The following ING5 variants were observed in gnomAD, a reference collection of about 807,000 sequenced individuals.
ING5 encodes the protein inhibitor of growth family member 5.
A neutral mutation model predicts 37.4 loss-of-function variants in ING5; 17 were observed. The observed-to-expected ratio is 0.45, with a 90% CI of 0.31 to 0.68. The LOEUF (loss-of-function observed/expected upper bound fraction) is 0.68. Among genes scored for constraint, ING5 ranks in the 30% least tolerant of loss-of-function variants. ING5 has a pLI of 0.05. For synonymous variants in ING5, 123 were observed against 116.6 expected (o/e 1.06, Z -0.36); for missense variants, 233 against 311.9 (o/e 0.75, Z 1.91).
At chr2:241,709,168 A>G in intron 2 of ING5, 48 bp from the exon 3 acceptor site, 3 of 1,566,820 alleles carry the variant, frequency 1.9e-6, no homozygotes, top group Middle Eastern at 1.7e-4. Context: ...TGGTGAGCAC[A>G]TCATGGTGTC....
chr2:241,719,899 C>T (rs779151334), intron 5 of ING5: 46 of 1,318,790 alleles, frequency 3.5e-5, no homozygotes, highest in Non-Finnish European at 4.1e-5. Context: ...GGGTGATCAC[C>T]GATGGCGACA....
Position 241,706,125 on chromosome 2 carries a change from G to A in ING5, c.109+1401G>A, listed in dbSNP as rs892408012. Among the ~76,000 whole-genome samples the A allele has an allele frequency of 9.2e-5, 14 of 152,028 alleles. No individual in the cohort carries two copies. In the South Asian group the frequency reaches 1.2e-3, roughly 14 times the overall value. On this transcript the variant is annotated intron_variant, in intron 2 of 7. Coordinates refer to ENST00000313552, the MANE Select transcript of ING5 (RefSeq NM_032329.6). Reference sequence around the variant, plus strand: ...ACAGTTCTGTGTGTGCTTTCTTTCCGCAGAGCCCTCTGTCCTGGAGGCCAC... The same window carrying A: ...ACAGTTCTGTGTGTGCTTTCTTTCCACAGAGCCCTCTGTCCTGGAGGCCAC...
Position 241,718,323 on chromosome 2 carries a change from TCC to T in ING5, c.483-4615_483-4614del, listed in dbSNP as rs1559311023. Among the ~76,000 whole-genome samples, 22 of 128,860 alleles carry T rather than the reference TCC, an allele frequency of 1.7e-4. 1 individual carries two copies. The highest frequency in any genetic ancestry group is 6.1e-4 in the African/African-American group (20 of 32,674). 84.5% of individuals were successfully genotyped at this position (128,860 alleles called of 152,430 possible). The stretch of plus-strand genomic sequence containing the variant: ...TTCCTTCCTTTCTTCTTTCCTCCCT[TCC>T]TCCCTCCCTCCCTCACTTCCTTCCT... On this transcript the variant is annotated intron_variant, in intron 5 of 7. Coordinates refer to ENST00000313552, the MANE Select transcript of ING5 (RefSeq NM_032329.6).
At chr2:241,711,027 G>A (rs377131768) in intron 3 of ING5, among the ~76,000 whole-genome samples, 1 of 152,324 alleles carries the variant, frequency 6.6e-6, no homozygotes, top group African/African-American at 2.4e-5. Flanking sequence ...GGGATTACAG[G>A]TGTGAGCCGC....
chr2:241,716,486 G>T (rs2070273955), intron 5 of ING5, among the ~76,000 whole-genome samples: 2 of 151,634 alleles, frequency 1.3e-5, no homozygotes, highest in South Asian at 4.2e-4. Context: ...GTAGAGACAG[G>T]TTTTCACCAT....
At chr2:241,709,747 C>T (rs2070048744) in intron 3 of ING5, among the ~76,000 whole-genome samples, 1 of 151,840 alleles carries the variant, frequency 6.6e-6, no homozygotes, top group Admixed American at 6.6e-5. Flanking sequence ...GCTGTGATTA[C>T]AGGCATGCAG....
At chr2:241,719,331 C>G (rs1043509417) in intron 5 of ING5, among the ~76,000 whole-genome samples, 1 of 152,260 alleles carries the variant, frequency 6.6e-6, no homozygotes, top group Non-Finnish European at 1.5e-5. Flanking sequence ...CCAGCCCTCA[C>G]TCAGTGCATG....
chr2:241,692,774 C>G (rs1427412417), intron 2 of ING5, among the ~76,000 whole-genome samples: 4 of 152,084 alleles, frequency 2.6e-5, no homozygotes, highest in African/African-American at 9.7e-5. Context: ...TCCATGATCC[C>G]CTTAAAAACC....
At chr2:241,712,158 G>C in intron 5 of ING5, 87 bp downstream of exon 5, 1 of 1,065,370 alleles carries the variant, frequency 9.4e-7, no homozygotes. Context: ...AAGCTGACCC[G>C]AGTGAAGTGC....
At chr2:241,706,983 G>A (rs1226097278) in intron 2 of ING5, among the ~76,000 whole-genome samples, 3 of 141,394 alleles carry the variant, frequency 2.1e-5, no homozygotes, top group Non-Finnish European at 4.6e-5. Context: ...TTTTGAGATG[G>A]AGTTTCACTC....
At chr2:241,705,359 T>A (rs912176611) in intron 2 of ING5, among the ~76,000 whole-genome samples, 33 of 151,110 alleles carry the variant, frequency 2.2e-4, no homozygotes, top group Admixed American at 4.6e-4. Context: ...ATTACAAGCG[T>A]GAGCCACCTC....
chr2:241,719,836 C>T (rs1016513151), intron 5 of ING5: 1 of 1,402,288 alleles, frequency 7.1e-7, no homozygotes. Context: ...CAATGCGGAG[C>T]CTGGGAGCTC....
Position 241,706,683 on chromosome 2 carries a change from C to T in ING5, c.109+1959C>T, listed in dbSNP as rs533352211. 2.0e-5 allele frequency among the ~76,000 whole-genome samples: 3 copies of T among 150,558 alleles called. No individual in the cohort carries two copies. In the South Asian group the frequency reaches 6.3e-4, roughly 32 times the overall value. On this transcript the variant is annotated intron_variant, in intron 2 of 7. Transcript: ENST00000313552. ...TAGATTTTCTTGTAACATTGCATGT[C>T]TGAAAATGTGTTTGTTCTAGCCTCA...
At chr2:241,693,652 CTTTTTTTTTTT>C (rs1185556171) in intron 2 of ING5, among the ~76,000 whole-genome samples, 4 of 78,538 alleles carry the variant, frequency 5.1e-5, no homozygotes, top group Non-Finnish European at 9.2e-5. Flanking sequence ...AAATACAACT[CTTTTTTTTTTT>C]TTTTTTTTTT....
upstream of ING5, among the ~76,000 whole-genome samples, chr2:241,701,116 G>A (rs1335440942): frequency 7.0e-6 from 1 of 142,630 alleles, no homozygotes; most frequent in Non-Finnish European, 1.5e-5. Flanking sequence ...ACCACGCTTG[G>A]CTAATTTTTT....
Position 241,722,920 on chromosome 2 carries a change from T to C in ING5, c.483-19T>C. ...TCCCACCATGGCCTTCAGTGGTGCC[T>C]GTGCCCTGTCCCCTGCAGGTCTGAG... On this transcript the variant is annotated intron_variant, in intron 5 of 7. Coordinates refer to ENST00000313552, the MANE Select transcript of ING5 (RefSeq NM_032329.6). 6.2e-7 allele frequency: 1 copy of C among 1,613,268 alleles called. No homozygotes were observed. Among genetic ancestry groups the C allele is most frequent in the Non-Finnish European group, 8.5e-7 (1 of 1,179,978 alleles).
chr2:241,722,774 A>G (rs1261870267), intron 5 of ING5, 165 bp from the exon 6 acceptor site: 1 of 985,284 alleles, frequency 1.0e-6, no homozygotes, highest in African/African-American at 1.7e-5. Context: ...AAGCTTATTC[A>G]TTATGTGTCG....
chr2:241,698,496 AGTGTG>A (rs2069664083), upstream of ING5, among the ~76,000 whole-genome samples: 1 of 147,422 alleles, frequency 6.8e-6, no homozygotes, highest in Admixed American at 6.8e-5. Context: ...ATAATAGAGG[AGTGTG>A]TGTGTGTGTG....
Position 241,705,229 on chromosome 2 carries a change from C to T in ING5, c.109+505C>T, listed in dbSNP as rs550600581. 4.3e-4 allele frequency among the ~76,000 whole-genome samples: 65 copies of T among 151,946 alleles called. 1 individual carries two copies. The highest frequency in any genetic ancestry group is 1.5e-3 in the African/African-American group (63 of 41,468). On this transcript the variant is annotated intron_variant, in intron 2 of 7. Coordinates refer to ENST00000313552, the MANE Select transcript of ING5 (RefSeq NM_032329.6). ...AGCTGGGACTACAGGTGCCCGCCAC[C>T]ACGCCTGGCTAATTTTTTTTTTGTA...
Sources: gnomAD v4.1 joint callset for allele counts (sites outside exome capture counted in the v4.1 genomes callset) on GRCh38, gnomAD v4.1.1 for gene constraint, MANE v1.5 for transcripts, NCBI Gene and HGNC (gene_info 2026-07-23, HGNC 2026-07-21) for gene names.